The following ARID4B variants were observed in gnomAD, a reference collection of about 807,000 sequenced individuals.
The protein encoded by ARID4B is AT-rich interaction domain 4B.
Under a neutral mutation model 147.5 loss-of-function variants are expected in ARID4B, and 26 were observed. That is an observed-to-expected ratio of 0.18 (90% CI 0.13 to 0.24). The LOEUF (loss-of-function observed/expected upper bound fraction) is 0.24. Ranked by LOEUF, ARID4B falls within the 10% of genes least tolerant of loss-of-function variation. The pLI is 1.00. For synonymous variants in ARID4B, 512 were observed against 507.9 expected, an observed-to-expected ratio of 1.01 and a Z score of -0.11; for missense variants, 1,179 against 1,511.5, an observed-to-expected ratio of 0.78 and a Z score of 3.65.
chr1:235,236,480 C>A (rs1668561920), intron 8 of ARID4B, among the ~76,000 whole-genome samples: 1 of 146,306 alleles, frequency 6.8e-6, no homozygotes, highest in African/African-American at 2.5e-5. Flanking sequence ...GAGAAAAAGA[C>A]TTACAAAACA....
rs527326733 is a variant in ARID4B at position 235,253,902 on chromosome 1, G to A, written c.275-1093C>T. On this transcript the variant is annotated intron_variant, in intron 5 of 23. Coordinates refer to ENST00000264183, the MANE Select transcript of ARID4B (RefSeq NM_016374.6). Reference sequence around the variant, plus strand: ...TTTCTGATGCTCAACAGGATCTCACGTTTATTGAGAAATGATTAATGGTTA... The same window carrying A: ...TTTCTGATGCTCAACAGGATCTCACATTTATTGAGAAATGATTAATGGTTA... Among the ~76,000 whole-genome samples the A allele has an allele frequency of 3.3e-5, 5 of 152,136 alleles. No individual in the cohort carries two copies. In the East Asian group the frequency reaches 5.8e-4, roughly 18 times the overall value.
intron 8 of ARID4B, among the ~76,000 whole-genome samples, chr1:235,239,527 A>G (rs1408247885): frequency 1.3e-5 from 2 of 152,224 alleles, no homozygotes; most frequent in South Asian, 2.1e-4. Flanking sequence ...AGATATTAGT[A>G]TATGTTCCCT....
chr1:235,226,902 C>A (rs1223190474), intron 11 of ARID4B, among the ~76,000 whole-genome samples: 1 of 152,168 alleles, frequency 6.6e-6, no homozygotes, highest in Non-Finnish European at 1.5e-5. Context: ...CTCCTGACCT[C>A]AGGTGATCCG....
At chr1:235,231,894 T>G (rs1259066987) in intron 9 of ARID4B, among the ~76,000 whole-genome samples, 6 of 152,130 alleles carry the variant, frequency 3.9e-5, no homozygotes, top group Non-Finnish European at 7.4e-5. Context: ...GACTGCTTCA[T>G]GCCAAAGTTC....
At chr1:235,187,066 T>C in intron 19 of ARID4B, 1 of 392,648 alleles carries the variant, frequency 2.5e-6, no homozygotes. Context: ...TCTTTTTCAC[T>C]GCATCTTATT....
intron 19 of ARID4B, 61 bp downstream of exon 19, chr1:235,193,952 T>C (rs758115971): frequency 1.4e-5 from 18 of 1,322,436 alleles, no homozygotes; most frequent in African/African-American, 1.3e-4. Flanking sequence ...ATTACCTTTA[T>C]AGAACTTGAC....
In ARID4B at chr1:235,181,954, G is replaced by C; in HGVS notation, c.2965C>G (p.Pro989Ala). ...ATGGGTTTACTATCGACATTGACTG[G>C]AGGTGGTTTTTCTAGTTCTACACTG... ...SPSVELEKPP[P>A]VNVDSKPIEE... The change falls in exon 20 of 24, where the codon CCA becomes GCA. Residue 989 changes from proline (P) to alanine (A), a missense_variant. Transcript: ENST00000264183. 6.2e-7 allele frequency: 1 copy of C among 1,613,958 alleles called. No homozygotes were observed. The highest frequency in any genetic ancestry group is 8.5e-7 in the Non-Finnish European group (1 of 1,179,998).
intron 2 of ARID4B, among the ~76,000 whole-genome samples, chr1:235,287,222 G>A (rs891782569): frequency 6.6e-6 from 1 of 152,144 alleles, no homozygotes; most frequent in Non-Finnish European, 1.5e-5. Flanking sequence ...TCGTGCCACT[G>A]CACTCCAGCC....
chr1:235,240,157 A>G (rs1668892008), intron 8 of ARID4B, among the ~76,000 whole-genome samples, 156 bp downstream of exon 8: 1 of 152,184 alleles, frequency 6.6e-6, no homozygotes, highest in Non-Finnish European at 1.5e-5. Flanking sequence ...AGTTCTTTGT[A>G]TTCAAAGACA....
At chr1:235,265,613 C>T (rs1203298414) in intron 2 of ARID4B, among the ~76,000 whole-genome samples, 1 of 151,840 alleles carries the variant, frequency 6.6e-6, no homozygotes, top group Non-Finnish European at 1.5e-5. Context: ...GTGGGAGGAC[C>T]ACTTCAGCCT....
At chr1:235,221,174 A>G (rs1307861696) in intron 14 of ARID4B, among the ~76,000 whole-genome samples, 1 of 152,242 alleles carries the variant, frequency 6.6e-6, no homozygotes, top group Non-Finnish European at 1.5e-5. Flanking sequence ...CTGAAGTTAC[A>G]GGCATGAGCC....
chr1:235,238,153 A>AAAAAAAAAAGAAAAAAAAAG (rs61179792), intron 8 of ARID4B, among the ~76,000 whole-genome samples: 1 of 141,764 alleles, frequency 7.1e-6, no homozygotes, highest in African/African-American at 2.8e-5. Context: ...CAAAAAAAAA[A>AAAAAAAAAAGAAAAAAAAAG]AAAAGAAAAG....
rs528868405 is a variant in ARID4B at position 235,240,885 on chromosome 1, G to C, written c.447-434C>G. Among the ~76,000 whole-genome samples, 5 of 152,266 alleles carry C rather than the reference G, an allele frequency of 3.3e-5. No homozygotes were observed. In the East Asian group the frequency reaches 9.6e-4, roughly 29 times the overall value. Reference sequence around the variant, plus strand: ...AGGAGAGCAGACCTTTATTAACTGAGGTTAGGTTGGGAAGAGGAGGCAATC... The same window carrying C: ...AGGAGAGCAGACCTTTATTAACTGACGTTAGGTTGGGAAGAGGAGGCAATC... On this transcript the variant is annotated intron_variant, in intron 7 of 23. Transcript: ENST00000264183.
At position 235,181,631 on chromosome 1, in the gene ARID4B, C is replaced by A. The variant is rs968035945; in HGVS notation, c.3288G>T (p.Val1096=). The A allele has an allele frequency of 6.2e-7, 1 of 1,613,844 alleles. No homozygotes were observed. Among genetic ancestry groups the A allele is most frequent in the Non-Finnish European group, 8.5e-7 (1 of 1,180,030 alleles). Residue 1096 remains valine (V), a synonymous_variant, in exon 20 of 24, where the codon GTG becomes GTT. Transcript: ENST00000264183. ...CTGGCTGATTACTACTGCTTGAGCT[C>A]ACACTGGCATCAAAACCTGCTGGCG... ...NSSPAGFDAS[V]SSSSSNQPEP...
At chr1:235,284,534 T>C (rs764990132) in intron 2 of ARID4B, among the ~76,000 whole-genome samples, 5 of 151,918 alleles carry the variant, frequency 3.3e-5, no homozygotes, top group Non-Finnish European at 5.9e-5. Flanking sequence ...GTATTTCAAA[T>C]AAAAATTGCT....
At chr1:235,170,771 G>C (rs548853644) in intron 23 of ARID4B, among the ~76,000 whole-genome samples, 2 of 151,716 alleles carry the variant, frequency 1.3e-5, no homozygotes, top group African/African-American at 4.8e-5. Context: ...AAATTAGCTG[G>C]GCATGGCGGC....
At chr1:235,304,945 G>A (rs1202840060) in intron 2 of ARID4B, among the ~76,000 whole-genome samples, 1 of 152,100 alleles carries the variant, frequency 6.6e-6, no homozygotes, top group Non-Finnish European at 1.5e-5. Context: ...AACTCTGGTA[G>A]GCAGAATGCA....
intron 17 of ARID4B, among the ~76,000 whole-genome samples, chr1:235,202,440 A>G (rs1398686655): frequency 6.6e-6 from 1 of 151,424 alleles, no homozygotes; most frequent in Non-Finnish European, 1.5e-5. Flanking sequence ...TATTGAGATC[A>G]CTTAACATTC....
chr1:235,268,071 G>A (rs571357377), intron 2 of ARID4B, among the ~76,000 whole-genome samples: 233 of 152,274 alleles, frequency 1.5e-3, no homozygotes, highest in African/African-American at 5.2e-3. Flanking sequence ...GCAGTGAAGA[G>A]GAGGCCTGGG....
Sources: gnomAD v4.1 joint callset for allele counts (sites outside exome capture counted in the v4.1 genomes callset) on GRCh38, gnomAD v4.1.1 for gene constraint, MANE v1.5 for transcripts, NCBI Gene and HGNC (gene_info 2026-07-23, HGNC 2026-07-21) for gene names.